AIM2: variants seen among roughly 807,000 people sequenced by gnomAD.
AIM2 encodes absent in melanoma 2, also known as interferon-inducible protein AIM2.
A neutral mutation model predicts 27.7 loss-of-function variants in AIM2; 30 were observed. The observed-to-expected ratio is 1.08, with a 90% CI of 0.81 to 1.47. The LOEUF is 1.47. Among genes scored for constraint, AIM2 ranks in the 40% most tolerant of loss-of-function variants. The pLI is 0.00. For missense variants in AIM2, 358 were observed against 411.3 expected (o/e 0.87, Z 1.12); for synonymous variants, 141 against 145.3 (o/e 0.97, Z 0.21).
chr1:159,058,396 C>G (rs1487661962), downstream of AIM2, among the ~76,000 whole-genome samples: 2 of 151,046 alleles, frequency 1.3e-5, no homozygotes, highest in Non-Finnish European at 3.0e-5. Flanking sequence ...GCCTCCTTGA[C>G]CTGGGGAGGG....
At chr1:159,109,271 T>C (rs563616150) in intron 1 of AIM2, among the ~76,000 whole-genome samples, 12 of 152,284 alleles carry the variant, frequency 7.9e-5, no homozygotes, top group African/African-American at 2.9e-4. Context: ...TACAGCCAAC[T>C]GATCTTCAAC....
chr1:159,124,958 G>A (rs904622779), intron 1 of AIM2, among the ~76,000 whole-genome samples: 1 of 152,220 alleles, frequency 6.6e-6, no homozygotes, highest in Non-Finnish European at 1.5e-5. Flanking sequence ...CCACCTTCGA[G>A]TGATGCCTCC....
chr1:159,132,893 G>A (rs1393236493), intron 1 of AIM2, among the ~76,000 whole-genome samples: 1 of 152,160 alleles, frequency 6.6e-6, no homozygotes. Flanking sequence ...TTTCTCTGTT[G>A]TTTTCAAACA....
chr1:159,077,335 C>T (rs1405250086), upstream of AIM2, among the ~76,000 whole-genome samples: 1 of 152,210 alleles, frequency 6.6e-6, no homozygotes, highest in Admixed American at 6.5e-5. Context: ...TTCCCGGAAT[C>T]GGGGTGCCAC....
At chr1:159,145,594 T>TG (rs1220796193) in intron 1 of AIM2, among the ~76,000 whole-genome samples, 1 of 152,184 alleles carries the variant, frequency 6.6e-6, no homozygotes, top group Non-Finnish European at 1.5e-5. Flanking sequence ...CCAGTCAAAC[T>TG]GAGCTATTGA....
intron 1 of AIM2, among the ~76,000 whole-genome samples, chr1:159,116,860 G>A (rs1220523964): frequency 6.6e-6 from 1 of 151,450 alleles, no homozygotes; most frequent in African/African-American, 2.4e-5. Context: ...AAAGTCACTC[G>A]GCATTAGAAA....
At chr1:159,091,557 T>C (rs1183045110) in intron 1 of AIM2, among the ~76,000 whole-genome samples, 1 of 152,220 alleles carries the variant, frequency 6.6e-6, no homozygotes, top group East Asian at 1.9e-4. Context: ...ATGAACAAAA[T>C]TATATACTTA....
intron 2 of AIM2, among the ~76,000 whole-genome samples, chr1:159,072,784 TAGAC>T (rs1656416180): frequency 6.6e-6 from 1 of 152,118 alleles, no homozygotes; most frequent in Non-Finnish European, 1.5e-5. Flanking sequence ...AGGAGAGGAA[TAGAC>T]AGACTGTGTG....
At chr1:159,072,362 C>T (rs947828369) in intron 2 of AIM2, among the ~76,000 whole-genome samples, 1 of 152,162 alleles carries the variant, frequency 6.6e-6, no homozygotes. Context: ...GCCATGTCAC[C>T]CTTGTTGTAC....
chr1:159,140,801 C>T (rs534271117), upstream of AIM2, among the ~76,000 whole-genome samples: 1 of 151,998 alleles, frequency 6.6e-6, no homozygotes, highest in African/African-American at 2.4e-5. Context: ...AAAATGAACG[C>T]GGGAGGAGAG....
At chr1:159,131,032 G>C (rs1169811733) in intron 1 of AIM2, among the ~76,000 whole-genome samples, 1 of 152,070 alleles carries the variant, frequency 6.6e-6, no homozygotes, top group African/African-American at 2.4e-5. Context: ...AGGAAGCCCT[G>C]ATGATCCTCC....
chr1:159,081,450 C>A (rs913799780), upstream of AIM2: 2 of 474,222 alleles, frequency 4.2e-6, no homozygotes, highest in Non-Finnish European at 8.6e-6. Flanking sequence ...TCTGTAGGAC[C>A]TCAGTCGTCA....
intron 1 of AIM2, among the ~76,000 whole-genome samples, chr1:159,138,447 T>A (rs1648052215): frequency 6.6e-6 from 1 of 152,152 alleles, no homozygotes; most frequent in Admixed American, 6.5e-5. Context: ...TCACTCTCCA[T>A]CCCCAAGCAT....
At chr1:159,085,395 T>G (rs1570955542) in intron 1 of AIM2, among the ~76,000 whole-genome samples, 1 of 152,154 alleles carries the variant, frequency 6.6e-6, no homozygotes. Context: ...CCAGAATTAT[T>G]CCCAGATTTC....
At chr1:159,066,775 G>T (rs2094680581) in intron 3 of AIM2, among the ~76,000 whole-genome samples, 1 of 152,198 alleles carries the variant, frequency 6.6e-6, no homozygotes. Context: ...AGGGAGCTCA[G>T]TGACCAGCAC....
chr1:159,076,000 T>C (rs2101992737), intron 1 of AIM2, among the ~76,000 whole-genome samples: 1 of 152,330 alleles, frequency 6.6e-6, no homozygotes, highest in East Asian at 1.9e-4. Flanking sequence ...ACTCTACTTA[T>C]ACATGTAGAG....
upstream of AIM2, among the ~76,000 whole-genome samples, chr1:159,142,232 T>C (rs965488905): frequency 2.0e-5 from 3 of 152,186 alleles, no homozygotes; most frequent in African/African-American, 7.2e-5. Context: ...TCTAAGAGAC[T>C]GGTCTGGTTC....
intron 1 of AIM2, among the ~76,000 whole-genome samples, chr1:159,096,126 C>T (rs1227536984): frequency 6.6e-6 from 1 of 152,222 alleles, no homozygotes; most frequent in Non-Finnish European, 1.5e-5. Flanking sequence ...AACATAAACA[C>T]AATGCTACTG....
chr1:159,142,440 T>C (rs548304195), upstream of AIM2, among the ~76,000 whole-genome samples: 4 of 151,886 alleles, frequency 2.6e-5, no homozygotes, highest in East Asian at 7.7e-4. Flanking sequence ...GGAGGAAGAG[T>C]GGGTGTGTAC....
Sources: gnomAD v4.1 joint callset for allele counts (sites outside exome capture counted in the v4.1 genomes callset) on GRCh38, gnomAD v4.1.1 for gene constraint, MANE v1.5 for transcripts, NCBI Gene and HGNC (gene_info 2026-07-23, HGNC 2026-07-21) for gene names.